GRIK4: variants seen among roughly 807,000 people sequenced by gnomAD.
GRIK4 encodes glutamate ionotropic receptor kainate type subunit 4.
GRIK4 carries 40 observed loss-of-function variants against 104.9 expected under a neutral mutation model. The observed-to-expected ratio is 0.38, with a 90% CI of 0.30 to 0.50. The LOEUF (loss-of-function observed/expected upper bound fraction) is 0.50. Among genes scored for constraint, GRIK4 ranks in the 20% least tolerant of loss-of-function variants. The pLI is 0.93. For synonymous variants in GRIK4, 485 were observed against 524.9 expected, an observed-to-expected ratio of 0.92 and a Z score of 1.04; for missense variants, 1,047 against 1,308.1, an observed-to-expected ratio of 0.80 and a Z score of 3.08.
Position 120,987,364 on chromosome 11 carries a change from GCTGC to G in GRIK4, c.*1107_*1110del, listed in dbSNP as rs1316099675. ...CTTTTCAACCAAACTCAAATGAGTG[GCTGC>G]CTATGAAGCCAGACCCCCAAGACTA... On this transcript the variant is annotated 3_prime_UTR_variant, in exon 21 of 21. Coordinates refer to ENST00000527524, the MANE Select transcript of GRIK4 (RefSeq NM_014619.5). 5 of 152,264 alleles carry G rather than the reference GCTGC, an allele frequency of 3.3e-5. No individual in the cohort carries two copies. The highest frequency in any genetic ancestry group is 1.2e-4 in the African/African-American group (5 of 41,462). 9.4% of individuals were successfully genotyped at this position (152,264 alleles called of 1,614,324 possible). A position where few individuals can be genotyped will look rare whatever the true frequency, so the allele number is the denominator to read the frequency against.
At chr11:120,546,832 C>T (rs187635910) in intron 1 of GRIK4, among the ~76,000 whole-genome samples, 126 of 152,128 alleles carry the variant, frequency 8.3e-4, no homozygotes, top group African/African-American at 2.8e-3. Context: ...AACTTCAGGC[C>T]CAGAACTGGG....
chr11:120,579,650 CTG>C (rs201429898), intron 1 of GRIK4, among the ~76,000 whole-genome samples: 1,910 of 152,224 alleles, frequency 0.013, 33 homozygotes, highest in African/African-American at 0.044. Context: ...CCATGAGTAG[CTG>C]TAGGTTGGGT....
chr11:120,718,550 C>T (rs1267588333), intron 3 of GRIK4, among the ~76,000 whole-genome samples: 2 of 152,228 alleles, frequency 1.3e-5, no homozygotes, highest in Non-Finnish European at 2.9e-5. Flanking sequence ...AACCTCCAGC[C>T]GCAAGTACAG....
intron 3 of GRIK4, among the ~76,000 whole-genome samples, chr11:120,700,046 C>T (rs1950526325): frequency 6.6e-6 from 1 of 152,170 alleles, no homozygotes; most frequent in South Asian, 2.1e-4. Flanking sequence ...TTGGGGTTTA[C>T]AGCATGTTAG....
chr11:120,985,581 G>A (rs375371869), intron 20 of GRIK4, among the ~76,000 whole-genome samples: 33 of 144,276 alleles, frequency 2.3e-4, no homozygotes, highest in African/African-American at 7.4e-4. Context: ...TTCAGGGACA[G>A]AAATTGTTAG....
At chr11:120,689,007 G>A (rs1950315522) in intron 3 of GRIK4, among the ~76,000 whole-genome samples, 1 of 152,150 alleles carries the variant, frequency 6.6e-6, no homozygotes, top group Non-Finnish European at 1.5e-5. Flanking sequence ...TCTGATGGTA[G>A]AGGCTGACAA....
chr11:120,974,284 A>G (rs552649536), intron 19 of GRIK4, among the ~76,000 whole-genome samples: 1 of 152,240 alleles, frequency 6.6e-6, no homozygotes, highest in Non-Finnish European at 1.5e-5. Flanking sequence ...AACAGAGGGC[A>G]GTAGTTTTCA....
rs919975242 is a variant in GRIK4, at chr11:120,513,844, C to T, written c.-159+1957C>T. Reference sequence around the variant, plus strand: ...TTTCTGTGTTTTTCCCATCCCCCTACCTGGGCATCTTGATCGGTGGCTGCT... The same window carrying T: ...TTTCTGTGTTTTTCCCATCCCCCTATCTGGGCATCTTGATCGGTGGCTGCT... On this transcript the variant is annotated intron_variant, in intron 1 of 20. Coordinates refer to ENST00000527524, the MANE Select transcript of GRIK4 (RefSeq NM_014619.5). This position sits in a 1 kb window ranked among gnomAD's most constrained non-coding sequence, Gnocchi z 4.5. Among the ~76,000 whole-genome samples the T allele has an allele frequency of 7.2e-5, 11 of 152,174 alleles. No individual in the cohort carries two copies. Among genetic ancestry groups the T allele is most frequent in the African/African-American group, 2.4e-4 (10 of 41,436 alleles).
intron 19 of GRIK4, among the ~76,000 whole-genome samples, chr11:120,968,703 G>A (rs1944424716): frequency 1.3e-5 from 2 of 152,186 alleles, no homozygotes; most frequent in African/African-American, 4.8e-5. Context: ...GCTGACCATG[G>A]GGAAAGCAGT....
intron 14 of GRIK4, among the ~76,000 whole-genome samples, chr11:120,948,162 G>A (rs1943908643): frequency 6.6e-6 from 1 of 152,148 alleles, no homozygotes; most frequent in South Asian, 2.1e-4. Flanking sequence ...AAGGAGTCTT[G>A]GAGACACTGC....
chr11:120,729,914 T>G (rs1951099653), intron 3 of GRIK4, among the ~76,000 whole-genome samples: 1 of 152,226 alleles, frequency 6.6e-6, no homozygotes, highest in South Asian at 2.1e-4. Flanking sequence ...CTATGAGTCT[T>G]TAATCCATTT....
intron 3 of GRIK4, among the ~76,000 whole-genome samples, chr11:120,711,813 A>G (rs1950738861): frequency 6.6e-6 from 1 of 152,206 alleles, no homozygotes; most frequent in Non-Finnish European, 1.5e-5. Flanking sequence ...TCAGGCCAGG[A>G]CAGAAAGGCT....
At chr11:120,912,868 G>A (rs1943030446) in intron 13 of GRIK4, among the ~76,000 whole-genome samples, 1 of 152,222 alleles carries the variant, frequency 6.6e-6, no homozygotes, top group African/African-American at 2.4e-5. Context: ...AGGTAGGCGG[G>A]ATGGAGGCTG....
At chr11:120,518,671 G>A (rs114081060) in intron 1 of GRIK4, among the ~76,000 whole-genome samples, 1,944 of 152,230 alleles carry the variant, frequency 0.013, 48 homozygotes, top group African/African-American at 0.045. Context: ...TTGGCAGAGT[G>A]CAATGTGCGC....
intron 18 of GRIK4, among the ~76,000 whole-genome samples, chr11:120,965,898 A>T (rs1453692067): frequency 6.6e-6 from 1 of 152,136 alleles, no homozygotes; most frequent in African/African-American, 2.4e-5. Flanking sequence ...CTGATCCTTC[A>T]TGGTAGCCTT....
chr11:120,565,950 A>G (rs1948316854), intron 1 of GRIK4, among the ~76,000 whole-genome samples: 1 of 152,214 alleles, frequency 6.6e-6, no homozygotes, highest in African/African-American at 2.4e-5. Context: ...TGACTTTGGT[A>G]TTAGGCTGGA....
chr11:120,955,807 ATTC>A lies in GRIK4; in HGVS notation c.1701-970_1701-968del, dbSNP rs1417168696. Among the ~76,000 whole-genome samples, 179 of 146,470 alleles carry A rather than the reference ATTC, an allele frequency of 1.2e-3. 1 individual carries two copies. Among genetic ancestry groups the A allele is most frequent in the African/African-American group, 4.2e-3 (170 of 40,044 alleles). On this transcript the variant is annotated intron_variant, in intron 15 of 20. Coordinates refer to ENST00000527524, the MANE Select transcript of GRIK4 (RefSeq NM_014619.5). ...TTGGGAGTGGAACTCAAGCAGCAGCATTCTTTTTTTTTTTTTGAAAGGCTCTGG... is the reference window on the plus strand; with the variant it reads ...TTGGGAGTGGAACTCAAGCAGCAGCATTTTTTTTTTTTTGAAAGGCTCTGG...
chr11:120,658,839 C>A (rs1949763069), intron 2 of GRIK4, among the ~76,000 whole-genome samples: 1 of 147,660 alleles, frequency 6.8e-6, no homozygotes, highest in Admixed American at 6.9e-5. Flanking sequence ...AGCTCCACCT[C>A]CCCGGTTCAC....
intron 3 of GRIK4, among the ~76,000 whole-genome samples, chr11:120,794,907 C>T (rs921612450): frequency 2.0e-5 from 3 of 152,056 alleles, no homozygotes; most frequent in African/African-American, 7.2e-5. Context: ...TGATTTCCTC[C>T]AGCAAGAGGG....
Sources: gnomAD v4.1 joint callset for allele counts (sites outside exome capture counted in the v4.1 genomes callset) on GRCh38, gnomAD v4.1.1 for gene constraint, Gnocchi (gnomAD v3.1) non-coding constraint, MANE v1.5 for transcripts, NCBI Gene and HGNC (gene_info 2026-07-23, HGNC 2026-07-21) for gene names.